Variants in KIF13B observed in about 807,000 individuals in gnomAD.
KIF13B encodes the protein kinesin-like protein KIF13B.
KIF13B carries 127 observed loss-of-function variants against 222.0 expected under a neutral mutation model. The ratio of observed to expected loss-of-function variants is 0.57; its 90% CI spans 0.50 to 0.66. The LOEUF (loss-of-function observed/expected upper bound fraction) is 0.66. Among genes scored for constraint, KIF13B ranks in the 30% least tolerant of loss-of-function variants. KIF13B has a pLI of 0.00. For missense variants in KIF13B, 2,173 were observed against 2,379.0 expected, an observed-to-expected ratio of 0.91 and a Z score of 1.80; for synonymous variants, 976 against 919.0, an observed-to-expected ratio of 1.06 and a Z score of -1.12.
intron 35 of KIF13B, among the ~76,000 whole-genome samples, chr8:29,106,335 C>T (rs1485332998): frequency 2.0e-5 from 3 of 152,114 alleles, no homozygotes; most frequent in Non-Finnish European, 4.4e-5. Flanking sequence ...TAATCTAGAT[C>T]TTAAAAGAGT....
In KIF13B at chr8:29,085,849, C is replaced by CAAA. The variant is rs752162185; in HGVS notation, c.4458+6893_4458+6895dup. ...TGGGTGACAGAACAAGAGCCCGTAA[C>CAAA]AAAAAAAAAAAAAAAAAAAAAAAGA... is the stretch of plus-strand genomic sequence containing the variant. On this transcript the variant is annotated intron_variant, in intron 37 of 39. Transcript: ENST00000524189. Among the ~76,000 whole-genome samples the CAAA allele has an allele frequency of 1.0e-3, 70 of 67,300 alleles. 4 individuals are homozygous for CAAA. The highest frequency in any genetic ancestry group is 1.5e-3 in the Non-Finnish European group (45 of 30,948). 44.2% of individuals were successfully genotyped at this position (67,300 alleles called of 152,430 possible). A position where few individuals can be genotyped will look rare whatever the true frequency, so the allele number is the denominator to read the frequency against.
At chr8:29,244,174 C>A (rs761523807) in intron 2 of KIF13B, among the ~76,000 whole-genome samples, 3 of 151,846 alleles carry the variant, frequency 2.0e-5, no homozygotes, top group Non-Finnish European at 2.9e-5. Flanking sequence ...CCATCACGCC[C>A]GGCTAATTTT....
intron 37 of KIF13B, among the ~76,000 whole-genome samples, chr8:29,085,663 A>T (rs1006957872): frequency 3.5e-5 from 5 of 142,254 alleles, no homozygotes; most frequent in Admixed American, 2.9e-4. Context: ...GAGCCACAGC[A>T]CCCAGTCTAA....
At position 29,123,436 on chromosome 8, in the gene KIF13B, G is replaced by C. The variant is rs1020789846; in HGVS notation, c.3409C>G (p.Leu1137Val). 1.2e-6 allele frequency: 2 copies of C among 1,614,052 alleles called. No individual in the cohort carries two copies. The highest frequency in any genetic ancestry group is 4.5e-5 in the East Asian group (2 of 44,894). Residue 1137 changes from leucine (L) to valine (V), a missense_variant, in exon 28 of 40, where the codon CTA becomes GTA. Physicochemically the swap from Leu to Val is conservative, Grantham distance 32. Around this residue, in one of 2 missense-constraint regions of KIF13B, gnomAD observed 1,480 missense variants for 1,722.8 expected, o/e 0.86. Transcript: ENST00000524189. ...ATCACCGCGTTCCTCTCCTCAGTTA[G>C]GGTCAACCGCATCTCCAGAAGCTGC... ...EAQLLEMRLT[L>V]TEERNAVMVP... is the part of the protein sequence containing the mutation.
intron 33 of KIF13B, 41 bp from the exon 34 acceptor site, chr8:29,109,552 A>G: frequency 6.6e-7 from 1 of 1,524,996 alleles, no homozygotes; most frequent in African/African-American, 1.4e-5. Flanking sequence ...GACATGTAAG[A>G]GACACACTGC....
chr8:29,092,168 C>T (rs971861285), intron 37 of KIF13B, among the ~76,000 whole-genome samples: 4 of 152,190 alleles, frequency 2.6e-5, no homozygotes, highest in Admixed American at 1.3e-4. Flanking sequence ...ATTGCATTTC[C>T]AATGGGGTTC....
intron 37 of KIF13B, among the ~76,000 whole-genome samples, chr8:29,088,921 G>C (rs1297885203): frequency 2.0e-5 from 3 of 152,248 alleles, no homozygotes; most frequent in African/African-American, 7.2e-5. Context: ...GATGGTCAGT[G>C]AAAATGAGAC....
At chr8:29,207,423 G>A (rs900647991) in intron 2 of KIF13B, among the ~76,000 whole-genome samples, 7 of 152,046 alleles carry the variant, frequency 4.6e-5, no homozygotes, top group Admixed American at 2.6e-4. Flanking sequence ...CTGTGACTGC[G>A]AGCTCCCTGA....
rs191044685 is a variant in KIF13B at position 29,197,559 on chromosome 8, T to C, written c.150-1360A>G. On this transcript the variant is annotated intron_variant, in intron 2 of 39. Coordinates refer to ENST00000524189, the MANE Select transcript of KIF13B (RefSeq NM_015254.4). The stretch of plus-strand genomic sequence containing the variant: ...ACACACATACACATATATGTTTTTT[T>C]TTCCTGAACCATTTGAGGGTAAGTT... Among the ~76,000 whole-genome samples the C allele has an allele frequency of 1.1e-4, 16 of 152,286 alleles. No homozygotes were observed. In the East Asian group the frequency reaches 2.5e-3, roughly 24 times the overall value.
intron 21 of KIF13B, among the ~76,000 whole-genome samples, chr8:29,137,521 G>A (rs761225086): frequency 6.6e-6 from 1 of 152,184 alleles, no homozygotes; most frequent in Non-Finnish European, 1.5e-5. Context: ...ATGTTAATAT[G>A]TGCATATAGC....
intron 25 of KIF13B, 117 bp from the exon 26 acceptor site, chr8:29,126,628 T>G (rs968491771): frequency 4.3e-6 from 3 of 697,062 alleles, no homozygotes; most frequent in Non-Finnish European, 7.5e-6. Context: ...ATTAATATAC[T>G]ATTTCATCTC....
chr8:29,140,226 A>G, intron 20 of KIF13B, 35 bp from the exon 21 acceptor site: 1 of 1,612,100 alleles, frequency 6.2e-7, no homozygotes, highest in Non-Finnish European at 8.5e-7. Context: ...ACATTTCTCC[A>G]GATTTGGTTC....
intron 13 of KIF13B, among the ~76,000 whole-genome samples, chr8:29,159,981 A>C (rs1472038191): frequency 6.6e-6 from 1 of 152,234 alleles, no homozygotes; most frequent in African/African-American, 2.4e-5. Context: ...GGGGAAAGAA[A>C]CTGTGTGCCA....
chr8:29,100,521 G>A (rs140353017), intron 35 of KIF13B, among the ~76,000 whole-genome samples: 1,613 of 151,648 alleles, frequency 0.011, 20 homozygotes, highest in African/African-American at 0.032. Context: ...TCGGCTCACC[G>A]CAACCTCCAC....
At chr8:29,086,606 T>TA (rs1424884979) in intron 37 of KIF13B, among the ~76,000 whole-genome samples, 5 of 152,238 alleles carry the variant, frequency 3.3e-5, no homozygotes, top group Non-Finnish European at 7.4e-5. Flanking sequence ...AGTGTGTTAT[T>TA]AAACATGACT....
At chr8:29,073,739 C>T (rs1807423541) in intron 38 of KIF13B, among the ~76,000 whole-genome samples, 1 of 152,186 alleles carries the variant, frequency 6.6e-6, no homozygotes, top group African/African-American at 2.4e-5. Flanking sequence ...CTTGATAAAT[C>T]ATGCGTTTTC....
intron 37 of KIF13B, among the ~76,000 whole-genome samples, chr8:29,081,724 A>C (rs1038992368): frequency 2.6e-5 from 4 of 152,228 alleles, no homozygotes; most frequent in African/African-American, 9.7e-5. Context: ...GGCTACTAGG[A>C]AATTGTAACT....
rs1178173278 is a variant in KIF13B, at chr8:29,113,563, A to G, written c.3838-8T>C. On this transcript the variant is annotated splice_region_variant and splice_polypyrimidine_tract_variant and intron_variant, in intron 31 of 39. Coordinates refer to ENST00000524189, the MANE Select transcript of KIF13B (RefSeq NM_015254.4). ...GAGACTCTGTGCAAAACCCTAGAGA[A>G]AAACAAAATAGAAGATATGGTTTCC... The G allele has an allele frequency of 6.6e-7, 1 of 1,519,364 alleles. No individual in the cohort carries two copies. Among genetic ancestry groups the G allele is most frequent in the Admixed American group, 1.9e-5 (1 of 52,588 alleles). The allele number at this position is 1,519,364 out of a possible 1,614,324, so 94.1% of individuals were successfully genotyped here. A position where few individuals can be genotyped will look rare whatever the true frequency, so the allele number is the denominator to read the frequency against.
At chr8:29,187,952 A>T (rs1813014147) in intron 5 of KIF13B, among the ~76,000 whole-genome samples, 1 of 152,174 alleles carries the variant, frequency 6.6e-6, no homozygotes, top group South Asian at 2.1e-4. Context: ...GCAGGACTGG[A>T]GCTGTCGCCG....
Sources: gnomAD v4.1 joint callset for allele counts (sites outside exome capture counted in the v4.1 genomes callset) on GRCh38, gnomAD v4.1.1 for gene constraint, gnomAD v4.1.1 regional missense constraint, MANE v1.5 for transcripts, NCBI Gene and HGNC (gene_info 2026-07-23, HGNC 2026-07-21) for gene names.